The following IL1RAPL2 variants were observed in gnomAD, a reference collection of about 807,000 sequenced individuals.
IL1RAPL2 encodes the protein X-linked interleukin-1 receptor accessory protein-like 2.
Under a neutral mutation model 44.1 loss-of-function variants are expected in IL1RAPL2, and 3 were observed. The observed-to-expected ratio is 0.07, with a 90% CI of 0.03 to 0.18. IL1RAPL2 has a LOEUF of 0.18. Among genes scored for constraint, IL1RAPL2 ranks in the 10% least tolerant of loss-of-function variants. The pLI, the probability that IL1RAPL2 is intolerant of heterozygous loss-of-function variation, is 1.00. For synonymous variants in IL1RAPL2, 181 were observed against 178.8 expected (o/e 1.01, Z -0.10); for missense variants, 391 against 496.4 (o/e 0.79, Z 2.02).
At chrX:104,681,602 G>T (rs1048937993) in intron 2 of IL1RAPL2, among the ~76,000 whole-genome samples, 22 of 112,934 alleles carry the variant, frequency 1.9e-4, no homozygotes, top group African/African-American at 7.1e-4. Context: ...AGAAATAGAT[G>T]ATTTGAGATT....
chrX:104,910,958 A>G (rs765868226), intron 2 of IL1RAPL2, among the ~76,000 whole-genome samples: 3 of 112,370 alleles, frequency 2.7e-5, no homozygotes, highest in Non-Finnish European at 3.8e-5. Context: ...AGGTAATATG[A>G]TAGATATAAC....
chrX:105,354,418 T>C (rs1446267454), intron 5 of IL1RAPL2, among the ~76,000 whole-genome samples: 4 of 101,239 alleles, frequency 4.0e-5, no homozygotes, highest in African/African-American at 7.4e-5. Context: ...AACCAAACAC[T>C]GCATGTTCTC....
chrX:104,729,605 C>A (rs761182610), intron 2 of IL1RAPL2, among the ~76,000 whole-genome samples: 1 of 109,514 alleles, frequency 9.1e-6, no homozygotes, highest in East Asian at 2.9e-4. Context: ...TTTTGTCACT[C>A]AGCTGCTAAG....
intron 2 of IL1RAPL2, among the ~76,000 whole-genome samples, chrX:105,183,858 C>G (rs1045106110): frequency 9.0e-6 from 1 of 111,426 alleles, no homozygotes; most frequent in Non-Finnish European, 1.9e-5. Context: ...AATGTCAGCA[C>G]AGAATCCAGT....
intron 2 of IL1RAPL2, among the ~76,000 whole-genome samples, chrX:105,143,609 G>A (rs992008431): frequency 4.5e-5 from 5 of 112,145 alleles, no homozygotes; most frequent in African/African-American, 1.6e-4. Context: ...ATACCCAAAG[G>A]ATTATAAATC....
chrX:105,599,692 T>C (rs1329377803), intron 6 of IL1RAPL2, among the ~76,000 whole-genome samples: 1 of 111,715 alleles, frequency 9.0e-6, no homozygotes, highest in East Asian at 2.8e-4. Context: ...CAAGATCAAA[T>C]TCTGCATGTG....
chrX:105,548,195 CATAATTTACTGTAGGGAGACAGACAATAA>C (rs1195839868), intron 6 of IL1RAPL2, among the ~76,000 whole-genome samples: 1 of 111,312 alleles, frequency 9.0e-6, no homozygotes, highest in African/African-American at 3.3e-5. Flanking sequence ...TCATGAAATT[CATAATTTACTGTAGGGAGACAGACAATAA>C]ATAAGAAAAC....
intron 5 of IL1RAPL2, among the ~76,000 whole-genome samples, chrX:105,449,477 G>C (rs780846378): frequency 1.1e-4 from 12 of 110,016 alleles, no homozygotes; most frequent in Non-Finnish European, 1.9e-4. Context: ...CCAGCTACTC[G>C]GGAGGCTGAG....
At chrX:104,877,783 G>A (rs1922949182) in intron 2 of IL1RAPL2, among the ~76,000 whole-genome samples, 2 of 111,251 alleles carry the variant, frequency 1.8e-5, no homozygotes, top group Non-Finnish European at 3.8e-5. Flanking sequence ...CAGGGGTAAA[G>A]GAGATAACGT....
intron 4 of IL1RAPL2, among the ~76,000 whole-genome samples, chrX:105,246,864 T>C (rs2034223839): frequency 9.0e-6 from 1 of 111,144 alleles, no homozygotes; most frequent in Middle Eastern, 4.6e-3. Flanking sequence ...AAAGTGATAA[T>C]ATGGCACATC....
intron 3 of IL1RAPL2, among the ~76,000 whole-genome samples, chrX:105,198,855 G>A (rs2033692720): frequency 9.0e-6 from 1 of 111,697 alleles, no homozygotes; most frequent in African/African-American, 3.3e-5. Context: ...GTTTTGAGGA[G>A]GAAGATTACA....
At chrX:104,636,672 G>A (rs867176236) in intron 1 of IL1RAPL2, among the ~76,000 whole-genome samples, 4 of 112,241 alleles carry the variant, frequency 3.6e-5, no homozygotes, top group South Asian at 3.7e-4. Flanking sequence ...CTGGTGTGCC[G>A]TTTGCTAAGA....
intron 1 of IL1RAPL2, among the ~76,000 whole-genome samples, chrX:104,641,139 G>T (rs1929926249): frequency 8.9e-6 from 1 of 111,984 alleles, no homozygotes; most frequent in Non-Finnish European, 1.9e-5. Context: ...GCTGTGGTGG[G>T]CTGGGTTGGT....
intron 2 of IL1RAPL2, among the ~76,000 whole-genome samples, chrX:104,683,286 C>T (rs1489470010): frequency 1.8e-5 from 2 of 111,615 alleles, no homozygotes; most frequent in Admixed American, 9.6e-5. Flanking sequence ...TGATTCTAGT[C>T]CTGGGAATAT....
chrX:105,624,968 C>A (rs1304054861), intron 6 of IL1RAPL2, among the ~76,000 whole-genome samples: 1 of 111,982 alleles, frequency 8.9e-6, no homozygotes, highest in Non-Finnish European at 1.9e-5. Flanking sequence ...AAATTTATTT[C>A]TTTATGATAT....
chrX:104,983,587 T>C (rs1350408093), intron 2 of IL1RAPL2, among the ~76,000 whole-genome samples: 1 of 71,803 alleles, frequency 1.4e-5, no homozygotes, highest in Non-Finnish European at 2.8e-5. Context: ...ACATAATATA[T>C]AATATATTAT....
intron 2 of IL1RAPL2, among the ~76,000 whole-genome samples, chrX:105,072,403 T>G: frequency 9.0e-6 from 1 of 111,421 alleles, no homozygotes; most frequent in Non-Finnish European, 1.9e-5. Flanking sequence ...GCTATAAAGA[T>G]ACCAAAAAAT....
At chrX:104,803,741 C>T (rs12387096) in intron 2 of IL1RAPL2, among the ~76,000 whole-genome samples, 2,929 of 112,426 alleles carry the variant, frequency 0.026, 89 homozygotes, top group African/African-American at 0.091. Context: ...CATCAGGGTG[C>T]CTGACGCTTG....
intron 5 of IL1RAPL2, among the ~76,000 whole-genome samples, chrX:105,386,357 G>C (rs1473397873): frequency 9.0e-6 from 1 of 111,542 alleles, no homozygotes; most frequent in African/African-American, 3.3e-5. Context: ...AGGTTTGTTT[G>C]AGTTGTACAT....
Sources: gnomAD v4.1 joint callset for allele counts (sites outside exome capture counted in the v4.1 genomes callset) on GRCh38, gnomAD v4.1.1 for gene constraint, MANE v1.5 for transcripts, NCBI Gene and HGNC (gene_info 2026-07-23, HGNC 2026-07-21) for gene names.